Variants in SPAG9 observed in about 807,000 individuals in gnomAD.
The protein encoded by SPAG9 is C-Jun-amino-terminal kinase-interacting protein 4.
Under a neutral mutation model 166.5 loss-of-function variants are expected in SPAG9, and 35 were observed. The ratio of observed to expected loss-of-function variants is 0.21; its 90% CI spans 0.16 to 0.28. SPAG9 has a LOEUF of 0.28. Among genes scored for constraint, SPAG9 ranks in the 10% least tolerant of loss-of-function variants. The pLI, the probability that SPAG9 is intolerant of heterozygous loss-of-function variation, is 1.00. For missense variants in SPAG9, 1,235 were observed against 1,603.3 expected, an observed-to-expected ratio of 0.77 and a Z score of 3.92; for synonymous variants, 534 against 565.5, an observed-to-expected ratio of 0.94 and a Z score of 0.79.
At position 50,996,602 on chromosome 17, in the gene SPAG9, T is replaced by C. The variant is rs1397928778; in HGVS notation, c.1931A>G (p.Gln644Arg). ...CTGAGGCAGACTCCAGCCAAAAGCCTGCACTCTACCGTCTTCCTTCTGAAC... is the reference window on the plus strand; with the variant it reads ...CTGAGGCAGACTCCAGCCAAAAGCCCGCACTCTACCGTCTTCCTTCTGAAC... ...AHVQKEDGRV[Q>R]AFGWSLPQKY... Residue 644 changes from glutamine (Q) to arginine (R), a missense_variant, in exon 16 of 30, where the codon CAG becomes CGG. Coordinates refer to ENST00000262013, the MANE Select transcript of SPAG9 (RefSeq NM_001130528.3). 9.9e-6 allele frequency: 16 copies of C among 1,614,070 alleles called. No individual in the cohort carries two copies. The highest frequency in any genetic ancestry group is 1.2e-5 in the Non-Finnish European group (14 of 1,180,052).
rs1016163307 is a variant in SPAG9, at chr17:50,962,724, G to C, written c.*3548C>G. On this transcript the variant is annotated 3_prime_UTR_variant, in exon 30 of 30. Transcript: ENST00000262013. ...GCATTTGCAAGACACATGTTCTTTA[G>C]GACAGTTAATATTATGACACATCTG... is the stretch of plus-strand genomic sequence containing the variant. 1.3e-5 allele frequency: 2 copies of C among 152,140 alleles called. No individual in the cohort carries two copies. Among genetic ancestry groups the C allele is most frequent in the African/African-American group, 4.8e-5 (2 of 41,434 alleles). 9.4% of individuals were successfully genotyped at this position (152,140 alleles called of 1,614,324 possible).
intron 20 of SPAG9, 23 bp from the exon 21 acceptor site, chr17:50,989,895 T>A (rs779613922): frequency 4.4e-6 from 7 of 1,605,918 alleles, no homozygotes; most frequent in Non-Finnish European, 6.0e-6. Flanking sequence ...TAAAACACTA[T>A]TCCAAGTCTG....
chr17:51,056,440 T>C lies in SPAG9; in HGVS notation c.467A>G (p.Tyr156Cys), dbSNP rs1175388899. The change falls in exon 3 of 30, where the codon TAT becomes TGT. Residue 156 changes from tyrosine (Y) to cysteine (C), a missense_variant. By Grantham distance (194) the Tyr-to-Cys change is radical. Coordinates refer to ENST00000262013, the MANE Select transcript of SPAG9 (RefSeq NM_001130528.3). ...EEREAELKKE[Y>C]NALHQRHTEM... ...AGTGTGTCTTTGATGTAATGCATTATATTCCTTCTTCAGTTCTGCTTCTCT... is the reference window on the plus strand; with the variant it reads ...AGTGTGTCTTTGATGTAATGCATTACATTCCTTCTTCAGTTCTGCTTCTCT... 1.9e-6 allele frequency: 3 copies of C among 1,609,108 alleles called. No homozygotes were observed. Among genetic ancestry groups the C allele is most frequent in the Non-Finnish European group, 1.7e-6 (2 of 1,175,842 alleles).
chr17:51,025,876 C>T (rs1007942743), intron 6 of SPAG9, among the ~76,000 whole-genome samples: 1 of 152,106 alleles, frequency 6.6e-6, no homozygotes, highest in Non-Finnish European at 1.5e-5. Context: ...CATGAATTCT[C>T]ATTCTTTAAA....
chr17:51,005,364 A>G (rs2045164435), intron 11 of SPAG9, 101 bp from the exon 12 acceptor site: 3 of 1,114,272 alleles, frequency 2.7e-6, no homozygotes, highest in Non-Finnish European at 3.9e-6. Flanking sequence ...CTAAAGGATT[A>G]TTTTTCTTTT....
intron 1 of SPAG9, among the ~76,000 whole-genome samples, chr17:51,093,172 C>T (rs772953169): frequency 2.1e-5 from 3 of 142,356 alleles, no homozygotes; most frequent in Non-Finnish European, 4.5e-5. Context: ...CTCAGGAGTT[C>T]GAGACAAGCC....
chr17:51,068,266 AC>A (rs2047729048), intron 2 of SPAG9, among the ~76,000 whole-genome samples: 1 of 152,180 alleles, frequency 6.6e-6, no homozygotes, highest in African/African-American at 2.4e-5. Flanking sequence ...AACAGTAATA[AC>A]AACCTCTCCT....
At chr17:50,976,465 G>T (rs950410340) in intron 27 of SPAG9, 1 of 155,194 alleles carries the variant, frequency 6.4e-6, no homozygotes, top group Non-Finnish European at 1.4e-5. Flanking sequence ...CTGAAAAAAG[G>T]TATGGTGATT....
intron 4 of SPAG9, chr17:51,046,760 A>C (rs1406321093): frequency 3.9e-6 from 6 of 1,535,158 alleles, no homozygotes; most frequent in Non-Finnish European, 5.2e-6. Context: ...GCTTGCTGCC[A>C]CAAAAACAAT....
intron 2 of SPAG9, 26 bp downstream of exon 2, chr17:51,079,558 C>T (rs2144639376): frequency 2.5e-6 from 4 of 1,609,860 alleles, no homozygotes; most frequent in African/African-American, 1.3e-5. Context: ...CTTTAGTGTA[C>T]TTATGAGAAG....
At chr17:51,033,620 G>A (rs1033721111) in intron 5 of SPAG9, among the ~76,000 whole-genome samples, 1 of 152,162 alleles carries the variant, frequency 6.6e-6, no homozygotes, top group African/African-American at 2.4e-5. Flanking sequence ...CCTGGAATTC[G>A]TGGCTTCAAG....
At chr17:50,975,977 C>T in intron 27 of SPAG9, 1 of 1,125,276 alleles carries the variant, frequency 8.9e-7, no homozygotes, top group Non-Finnish European at 1.3e-6. Flanking sequence ...AGCCACCACT[C>T]TCAGCGTCTT....
In SPAG9 at chr17:51,053,854, AGTATATAT is replaced by A. The variant is rs1229411691; in HGVS notation, c.495+2550_495+2557del. Among the ~76,000 whole-genome samples, 216 of 34,438 alleles carry A rather than the reference AGTATATAT, an allele frequency of 6.3e-3. 3 individuals are homozygous for A. The highest frequency in any genetic ancestry group is 0.024 in the Middle Eastern group (1 of 42). The allele number at this position is 34,438 out of a possible 152,430, so 22.6% of individuals were successfully genotyped here. A position where few individuals can be genotyped will look rare whatever the true frequency, so the allele number is the denominator to read the frequency against. On this transcript the variant is annotated intron_variant, in intron 3 of 29. Transcript: ENST00000262013. Reference sequence around the variant, plus strand: ...CCCTAATTAAAAAAAAAAAAAAAAAAGTATATATATATATATATATATATATATATATA... The same window carrying A: ...CCCTAATTAAAAAAAAAAAAAAAAAAATATATATATATATATATATATATA...
intron 2 of SPAG9, among the ~76,000 whole-genome samples, chr17:51,075,385 GCTT>G (rs1198933878): frequency 1.3e-5 from 2 of 151,894 alleles, no homozygotes; most frequent in Non-Finnish European, 2.9e-5. Flanking sequence ...AGTATCTTCT[GCTT>G]CTTTTTTGAG....
chr17:51,018,199 A>G (rs1022194032), intron 8 of SPAG9, among the ~76,000 whole-genome samples: 2 of 148,618 alleles, frequency 1.3e-5, no homozygotes, highest in African/African-American at 4.9e-5. Context: ...AAAAATACAA[A>G]AAGTAGCCCA....
At chr17:51,050,656 C>CA (rs2047153918) in intron 3 of SPAG9, among the ~76,000 whole-genome samples, 1 of 149,708 alleles carries the variant, frequency 6.7e-6, no homozygotes. Context: ...TATAAACACA[C>CA]AAAAAAGAAC....
At position 50,981,167 on chromosome 17, in the gene SPAG9, G is replaced by A. The variant is rs546756858; in HGVS notation, c.3238-1250C>T. Among the ~76,000 whole-genome samples, 5 of 91,178 alleles carry A rather than the reference G, an allele frequency of 5.5e-5. No homozygotes were observed. The East Asian group carries it at 1.1e-3, about 20-fold the overall frequency. The allele number at this position is 91,178 out of a possible 152,430, so 59.8% of individuals were successfully genotyped here. A position where few individuals can be genotyped will look rare whatever the true frequency, so the allele number is the denominator to read the frequency against. On this transcript the variant is annotated intron_variant, in intron 25 of 29. Coordinates refer to ENST00000262013, the MANE Select transcript of SPAG9 (RefSeq NM_001130528.3). ...GTGCCGATATGATACCATAAGTCAC[G>A]CTGAACACAGTATTTTTTTTACTGC...
At chr17:51,097,670 A>G (rs189982460) in intron 1 of SPAG9, among the ~76,000 whole-genome samples, 15 of 152,290 alleles carry the variant, frequency 9.8e-5, no homozygotes, top group African/African-American at 3.6e-4. Context: ...TTGGGGACTG[A>G]GACCTCAAAC....
intron 1 of SPAG9, among the ~76,000 whole-genome samples, chr17:51,088,524 C>T (rs1454354750): frequency 1.3e-5 from 2 of 152,160 alleles, no homozygotes; most frequent in African/African-American, 2.4e-5. Context: ...AGGCTGGACA[C>T]AGTGGCTCAC....
Sources: gnomAD v4.1 joint callset for allele counts (sites outside exome capture counted in the v4.1 genomes callset) on GRCh38, gnomAD v4.1.1 for gene constraint, MANE v1.5 for transcripts, NCBI Gene and HGNC (gene_info 2026-07-23, HGNC 2026-07-21) for gene names.